PLEKHH1: variants seen among roughly 807,000 people sequenced by gnomAD.
PLEKHH1 encodes the protein pleckstrin homology domain-containing family H member 1.
In PLEKHH1, 104 loss-of-function variants were observed where a neutral mutation model predicts 160.0. That is an observed-to-expected ratio of 0.65 (90% confidence interval 0.55 to 0.76). The LOEUF is 0.76. PLEKHH1 is among the 30% of genes least tolerant of loss of function. The pLI is 0.00. For synonymous variants in PLEKHH1, 619 were observed against 678.4 expected, an observed-to-expected ratio of 0.91 and a Z score of 1.36; for missense variants, 1,427 against 1,724.1, an observed-to-expected ratio of 0.83 and a Z score of 3.05.
chr14:67,549,396 G>A (rs1248252551), intron 2 of PLEKHH1, among the ~76,000 whole-genome samples: 2 of 151,600 alleles, frequency 1.3e-5, no homozygotes, highest in South Asian at 2.1e-4. Context: ...TCAGCCTCCC[G>A]AGTAGCTGGG....
chr14:67,568,766 T>C (rs190865778), intron 7 of PLEKHH1, among the ~76,000 whole-genome samples: 1 of 152,024 alleles, frequency 6.6e-6, no homozygotes, highest in African/African-American at 2.4e-5. Context: ...GACCCAAGGG[T>C]CTCTAAAACG....
chr14:67,549,463 G>C (rs1356492361), intron 2 of PLEKHH1, among the ~76,000 whole-genome samples: 1 of 152,030 alleles, frequency 6.6e-6, no homozygotes, highest in South Asian at 2.1e-4. Flanking sequence ...TAGCGACGGG[G>C]TTTCACCATG....
At position 67,573,394 on chromosome 14, in the gene PLEKHH1, T is replaced by A. The variant is rs751035016; in HGVS notation, c.1839+8T>A. 2.0e-6 allele frequency: 3 copies of A among 1,522,506 alleles called. No homozygotes were observed. In the South Asian group the frequency reaches 3.4e-5, roughly 17 times the overall value. The allele number at this position is 1,522,506 out of a possible 1,614,324, so 94.3% of individuals were successfully genotyped here. ...ATGTACTACAAGTCCCCGGTGAGAG[T>A]CTCCCCGCCCAGCACTGCAGTCAAA... is the stretch of plus-strand genomic sequence containing the variant. On this transcript the variant is annotated splice_region_variant and intron_variant, in intron 12 of 28. Transcript: ENST00000329153. The surrounding 1 kb of genome is among the most constrained non-coding windows in gnomAD (Gnocchi z 4.8).
At chr14:67,558,133 C>T (rs1183134839) in intron 4 of PLEKHH1, among the ~76,000 whole-genome samples, 1 of 152,196 alleles carries the variant, frequency 6.6e-6, no homozygotes, top group Non-Finnish European at 1.5e-5. Flanking sequence ...TTCCTGTGTC[C>T]TGCCTTCTCC....
intron 2 of PLEKHH1, 134 bp from the exon 3 acceptor site, chr14:67,555,691 C>A (rs1279308798): frequency 7.7e-6 from 10 of 1,306,602 alleles, no homozygotes; most frequent in Non-Finnish European, 1.1e-5. Context: ...CCCTGACACT[C>A]TCGAGCCACT....
chr14:67,545,422 A>T (rs892012045), intron 2 of PLEKHH1, among the ~76,000 whole-genome samples: 1 of 152,216 alleles, frequency 6.6e-6, no homozygotes, highest in African/African-American at 2.4e-5. Context: ...TTAAGTCTAG[A>T]CTAATAGGAG....
At chr14:67,548,979 CAT>C (rs2034286999) in intron 2 of PLEKHH1, among the ~76,000 whole-genome samples, 1 of 152,200 alleles carries the variant, frequency 6.6e-6, no homozygotes, top group African/African-American at 2.4e-5. Flanking sequence ...CCTTCCACCT[CAT>C]ATGGATTATA....
rs1379736648 is a variant in PLEKHH1 at position 67,578,277 on chromosome 14, C to G, written c.2751+78C>G. ...AGGTGGGAAAGGTGGGAGGAGGTGA[C>G]TGGGCAGGTATACGGTGAGCCCAGC... On this transcript the variant is annotated intron_variant, in intron 19 of 28. Coordinates refer to ENST00000329153, the MANE Select transcript of PLEKHH1 (RefSeq NM_020715.3). The surrounding 1 kb of genome is among the most constrained non-coding windows in gnomAD (Gnocchi z 5.0). The G allele has an allele frequency of 1.5e-6, 2 of 1,329,094 alleles. No homozygotes were observed. Among genetic ancestry groups the G allele is most frequent in the Admixed American group, 1.7e-5 (1 of 57,930 alleles). The allele number at this position is 1,329,094 out of a possible 1,614,324, so 82.3% of individuals were successfully genotyped here. A position where few individuals can be genotyped will look rare whatever the true frequency, so the allele number is the denominator to read the frequency against.
rs958569605 is a variant in PLEKHH1 at position 67,559,538 on chromosome 14, T to C, written c.340-70T>C. On this transcript the variant is annotated intron_variant, in intron 4 of 28. Transcript: ENST00000329153. The stretch of plus-strand genomic sequence containing the variant: ...CACGCACACTTGGCCTTTCTTGGGG[T>C]TTCCCACCTCCAGTCAGTCACTCTC... The C allele has an allele frequency of 8.1e-6, 9 of 1,107,590 alleles. No individual in the cohort carries two copies. The African/African-American group carries it at 9.3e-5, about 11-fold the overall frequency. The allele number at this position is 1,107,590 out of a possible 1,614,324, so 68.6% of individuals were successfully genotyped here.
In PLEKHH1 at chr14:67,540,011, T is replaced by G. The variant is rs117351642; in HGVS notation, c.-34-1823T>G. Among the ~76,000 whole-genome samples the G allele has an allele frequency of 4.4e-3, 677 of 152,354 alleles. 17 individuals carry two copies. In the East Asian group the frequency reaches 0.062, roughly 14 times the overall value. ...TAGCCCATCAAAGAGAGGCTAACTT[T>G]GCACTGTGGTAGTATCTGGCAACAG... On this transcript the variant is annotated intron_variant, in intron 1 of 28. Transcript: ENST00000329153.
intron 11 of PLEKHH1, among the ~76,000 whole-genome samples, chr14:67,572,669 A>G (rs1007311909): frequency 4.6e-5 from 7 of 152,078 alleles, no homozygotes; most frequent in African/African-American, 1.4e-4. Flanking sequence ...TGTCCTCACA[A>G]TCCTCTTGGG....
Position 67,574,300 on chromosome 14 carries a change from A to G in PLEKHH1, c.1985A>G (p.Glu662Gly). 2 of 1,607,434 alleles carry G rather than the reference A, an allele frequency of 1.2e-6. No individual in the cohort carries two copies. Among genetic ancestry groups the G allele is most frequent in the Non-Finnish European group, 1.7e-6 (2 of 1,176,942 alleles). ...GCCGATTCACCCAGCCTGCTGGAGG[A>G]GTGGATCCGAGTACTCCAGAGCCTG... Reference protein sequence around the residue: ...LTADSPSLLEEWIRVLQSLLK... With the variant: ...LTADSPSLLEGWIRVLQSLLK... The change falls in exon 14 of 29, where the codon GAG becomes GGG. Residue 662 changes from glutamate to glycine, a missense_variant. By Grantham distance (98) the Glu-to-Gly change is moderately conservative. Coordinates refer to ENST00000329153, the MANE Select transcript of PLEKHH1 (RefSeq NM_020715.3). This position sits in a 1 kb window ranked among gnomAD's most constrained non-coding sequence, Gnocchi z 4.2.
intron 21 of PLEKHH1, 49 bp from the exon 22 acceptor site, chr14:67,579,672 G>A: frequency 6.3e-7 from 1 of 1,578,582 alleles, no homozygotes; most frequent in Admixed American, 1.7e-5. Flanking sequence ...GCCCTAGTGA[G>A]CTCCTCTCAG....
rs1470385726 is a variant in PLEKHH1, at chr14:67,562,467, C to T, written c.836C>T (p.Ser279Leu). 3 of 1,613,796 alleles carry T rather than the reference C, an allele frequency of 1.9e-6. No individual in the cohort carries two copies. Among genetic ancestry groups the T allele is most frequent in the Non-Finnish European group, 2.5e-6 (3 of 1,179,718 alleles). ...CMKLLTFRCS[S>L]ASWGEGLVTA... is the part of the protein sequence containing the mutation. Reference sequence around the variant, plus strand: ...AAGCTTCTTACCTTCAGATGTAGTTCAGCTTCCTGGGGTGAGGGTCTGGTT... The same window carrying T: ...AAGCTTCTTACCTTCAGATGTAGTTTAGCTTCCTGGGGTGAGGGTCTGGTT... Residue 279 changes from serine to leucine, a missense_variant, in exon 7 of 29, where the codon TCA becomes TTA. Ser to Leu is a moderately radical substitution (Grantham distance 145, BLOSUM62 -2). Transcript: ENST00000329153.
Position 67,541,946 on chromosome 14 carries a change from C to G in PLEKHH1, c.79C>G (p.Arg27Gly). 3 of 1,607,138 alleles carry G rather than the reference C, an allele frequency of 1.9e-6. No individual in the cohort carries two copies. Among genetic ancestry groups the G allele is most frequent in the Non-Finnish European group, 1.7e-6 (2 of 1,177,116 alleles). Reference sequence around the variant, plus strand: ...CCTGACCCTGGAAACTCAGCTTTTCCGGTTCCGCCTACAGGCCAGCAAGAT... The same window carrying G: ...CCTGACCCTGGAAACTCAGCTTTTCGGGTTCCGCCTACAGGCCAGCAAGAT... ...RCLTLETQLF[R>G]FRLQASKIRE... The change falls in exon 2 of 29, where the codon CGG becomes GGG. Residue 27 changes from arginine to glycine, a missense_variant. By Grantham distance (125) the Arg-to-Gly change is moderately radical (BLOSUM62 -2). Coordinates refer to ENST00000329153, the MANE Select transcript of PLEKHH1 (RefSeq NM_020715.3).
chr14:67,570,008 A>AG lies in PLEKHH1; in HGVS notation c.1434+1dup. 1.3e-6 allele frequency: 2 copies of AG among 1,586,498 alleles called. No individual in the cohort carries two copies. Among genetic ancestry groups the AG allele is most frequent in the South Asian group, 1.1e-5 (1 of 88,322 alleles). ...ACTGTGCCTGTCTACACAGCACTGA[A>AG]GGGGGTAAGAAACTGCTGCACAAAG... On this transcript the variant is annotated frameshift_variant, in exon 9 of 29. Transcript: ENST00000329153. LOFTEE classifies it high-confidence loss of function.
chr14:67,538,225 G>C (rs2033818555), intron 1 of PLEKHH1, among the ~76,000 whole-genome samples: 1 of 152,114 alleles, frequency 6.6e-6, no homozygotes, highest in Non-Finnish European at 1.5e-5. Flanking sequence ...GTTAGTATGA[G>C]ATATCTGCTA....
In PLEKHH1 at chr14:67,588,730, A is replaced by G. The variant is rs1034627761; in HGVS notation, c.*1495A>G. The G allele has an allele frequency of 2.0e-5, 3 of 152,564 alleles. No homozygotes were observed. Among genetic ancestry groups the G allele is most frequent in the Non-Finnish European group, 4.4e-5 (3 of 68,028 alleles). 9.5% of individuals were successfully genotyped at this position (152,564 alleles called of 1,614,324 possible). A position where few individuals can be genotyped will look rare whatever the true frequency, so the allele number is the denominator to read the frequency against. On this transcript the variant is annotated 3_prime_UTR_variant, in exon 29 of 29. Transcript: ENST00000329153. Reference sequence around the variant, plus strand: ...ATGTCAGTAAAGTGCTGAAAACTGTATATTTAGCAGTAGCACCCAAAACCA... The same window carrying G: ...ATGTCAGTAAAGTGCTGAAAACTGTGTATTTAGCAGTAGCACCCAAAACCA...
chr14:67,567,192 CCT>C, intron 7 of PLEKHH1, among the ~76,000 whole-genome samples: 1 of 152,150 alleles, frequency 6.6e-6, no homozygotes, highest in South Asian at 2.1e-4. Flanking sequence ...AGAAGCCCAG[CCT>C]CTCTCTCTCC....
Sources: allele counts gnomAD v4.1 joint callset (sites outside exome capture counted in the v4.1 genomes callset), GRCh38; gene constraint gnomAD v4.1.1; non-coding constraint Gnocchi (gnomAD v3.1); transcripts MANE v1.5; gene names NCBI Gene and HGNC (gene_info 2026-07-23, HGNC 2026-07-21).